The following NPEPPS variants were observed in gnomAD, a reference collection of about 807,000 sequenced individuals.
The protein encoded by NPEPPS is aminopeptidase puromycin sensitive, also known as puromycin-sensitive aminopeptidase.
In NPEPPS, 14 loss-of-function variants were observed where a neutral mutation model predicts 115.5. The ratio of observed to expected loss-of-function variants is 0.12; its 90% CI spans 0.08 to 0.19. NPEPPS has a LOEUF of 0.19. Among genes scored for constraint, NPEPPS ranks in the 10% least tolerant of loss-of-function variants. NPEPPS has a pLI of 1.00. For missense variants in NPEPPS, 523 were observed against 1,110.8 expected (o/e 0.47, Z 7.52); for synonymous variants, 285 against 390.6 (o/e 0.73, Z 3.19).
intron 3 of NPEPPS, among the ~76,000 whole-genome samples, chr17:47,575,228 C>G (rs1310494592): frequency 6.6e-6 from 1 of 152,076 alleles, no homozygotes; most frequent in African/African-American, 2.4e-5. Context: ...AAAACTATAC[C>G]CTGCTTTTGT....
chr17:47,574,615 CAA>C (rs1393555690), intron 3 of NPEPPS, among the ~76,000 whole-genome samples: 2 of 151,950 alleles, frequency 1.3e-5, no homozygotes, highest in African/African-American at 4.8e-5. Flanking sequence ...TGTTTTGTGA[CAA>C]AGTCTCTCTG....
At chr17:47,571,667 G>A (rs1243074934) in intron 3 of NPEPPS, among the ~76,000 whole-genome samples, 3 of 152,094 alleles carry the variant, frequency 2.0e-5, no homozygotes, top group South Asian at 2.1e-4. Flanking sequence ...GCAGTGAGCC[G>A]AGATCGCACC....
At chr17:47,607,294 T>G (rs1913574658) in intron 17 of NPEPPS, among the ~76,000 whole-genome samples, 1 of 152,194 alleles carries the variant, frequency 6.6e-6, no homozygotes, top group Admixed American at 6.5e-5. Flanking sequence ...ATATTGAGCA[T>G]AAACTGAGAC....
chr17:47,579,428 A>C lies in NPEPPS; in HGVS notation c.457A>C (p.Asn153His). ...TLKIDFVGELNDKMKGFYRSK... is the reference protein window; with the variant it reads ...TLKIDFVGELHDKMKGFYRSK... ...AAAGATAGATTTTGTTGGAGAGCTGAATGACAAAATGAAAGGTTTCTATAG... is the reference window on the plus strand; with the variant it reads ...AAAGATAGATTTTGTTGGAGAGCTGCATGACAAAATGAAAGGTTTCTATAG... The change falls in exon 4 of 23, where the codon AAT becomes CAT. Residue 153 changes from asparagine (N) to histidine (H), a missense_variant. Around this residue, in one of 4 missense-constraint regions of NPEPPS, gnomAD observed 144 missense variants for 512.4 expected, o/e 0.28. Transcript: ENST00000322157. The C allele has an allele frequency of 6.2e-7, 1 of 1,612,188 alleles. No individual in the cohort carries two copies. The highest frequency in any genetic ancestry group is 8.5e-7 in the Non-Finnish European group (1 of 1,178,988).
chr17:47,547,651 C>G (rs1167385367), intron 2 of NPEPPS, among the ~76,000 whole-genome samples: 3 of 152,220 alleles, frequency 2.0e-5, no homozygotes, highest in South Asian at 4.1e-4. Context: ...AGCCACCACA[C>G]CTGGTTGCCT....
chr17:47,544,395 T>C (rs1219625871), intron 1 of NPEPPS, among the ~76,000 whole-genome samples: 3 of 152,174 alleles, frequency 2.0e-5, no homozygotes, highest in Non-Finnish European at 2.9e-5. Context: ...TCTTCCTCTA[T>C]CCTCACAGAA....
intron 3 of NPEPPS, among the ~76,000 whole-genome samples, chr17:47,572,478 TAA>T (rs59690898): frequency 6.8e-6 from 1 of 147,756 alleles, no homozygotes; most frequent in Non-Finnish European, 1.5e-5. Flanking sequence ...TAAAGAAAGT[TAA>T]AAAAAAAACA....
chr17:47,611,474 A>AG (rs1555612736), intron 17 of NPEPPS, among the ~76,000 whole-genome samples: 107 of 149,868 alleles, frequency 7.1e-4, no homozygotes, highest in Middle Eastern at 3.5e-3. Flanking sequence ...AAAAAAAAAA[A>AG]GAGACAAGGT....
Position 47,621,777 on chromosome 17 carries a change from G to A in NPEPPS, c.2617G>A (p.Glu873Lys), listed in dbSNP as rs34598464. 2.5e-6 allele frequency: 4 copies of A among 1,607,166 alleles called. No individual in the cohort carries two copies. Among genetic ancestry groups the A allele is most frequent in the Admixed American group, 1.7e-5 (1 of 59,772 alleles). Residue 873 changes from glutamate to lysine, a missense_variant, in exon 23 of 23, where the codon GAG becomes AAG. This residue lies in a region of NPEPPS where 372 missense variants were observed against 542.6 expected (regional missense o/e 0.69). Coordinates refer to ENST00000322157, the MANE Select transcript of NPEPPS (RefSeq NM_006310.4). The stretch of plus-strand genomic sequence containing the variant: ...GGTTGTTTTATACCAGGCTTTCTTC[G>A]AGAGTCACCCAGCTCCTTCAGCTGA... Reference protein sequence around the residue: ...KMAGEVKAFFESHPAPSAERT... With the variant: ...KMAGEVKAFFKSHPAPSAERT...
intron 2 of NPEPPS, among the ~76,000 whole-genome samples, chr17:47,565,709 A>G (rs1387280660): frequency 6.6e-6 from 1 of 151,420 alleles, no homozygotes; most frequent in South Asian, 2.1e-4. Context: ...AGTCCCAGCT[A>G]TTTGGGAGGC....
Position 47,531,465 on chromosome 17 carries a change from T to G in NPEPPS, c.165T>G (p.Pro55=), listed in dbSNP as rs776065377. 2.0e-5 allele frequency: 32 copies of G among 1,594,870 alleles called. No individual in the cohort carries two copies. The highest frequency in any genetic ancestry group is 2.7e-5 in the Non-Finnish European group (32 of 1,172,764). ...AGAAGAGGCCCTTCGAGCGGCTGCC[T>G]GCCGATGTCTCCCCCATCAACTACA... ...MPEKRPFERL[P]ADVSPINYSL... is the part of the protein sequence containing the mutation. Residue 55 remains proline, a synonymous_variant, in exon 1 of 23, where the codon CCT becomes CCG. Transcript: ENST00000322157.
At chr17:47,587,755 TAGAG>T (rs1178619923) in intron 9 of NPEPPS, among the ~76,000 whole-genome samples, 3 of 152,176 alleles carry the variant, frequency 2.0e-5, no homozygotes, top group African/African-American at 7.2e-5. Flanking sequence ...GATCTTTAAT[TAGAG>T]AGAAATGTTT....
chr17:47,570,822 T>C (rs1174019018), intron 3 of NPEPPS, among the ~76,000 whole-genome samples: 2 of 152,232 alleles, frequency 1.3e-5, no homozygotes, highest in Non-Finnish European at 2.9e-5. Context: ...CCCAATGATA[T>C]GGCTGCCTTG....
At chr17:47,580,929 A>G (rs1463776813) in intron 4 of NPEPPS, 2 of 151,456 alleles carry the variant, frequency 1.3e-5, no homozygotes, top group African/African-American at 4.9e-5. Context: ...AATCATGTAA[A>G]CCAAATCCCA....
intron 22 of NPEPPS, among the ~76,000 whole-genome samples, chr17:47,621,412 G>GTCT (rs1914565865): frequency 3.3e-5 from 5 of 152,108 alleles, no homozygotes; most frequent in Admixed American, 6.6e-5. Flanking sequence ...GAGACTTAGA[G>GTCT]CAGTTAATTT....
At chr17:47,597,463 T>C (rs1431582740) in intron 13 of NPEPPS, among the ~76,000 whole-genome samples, 5 of 152,232 alleles carry the variant, frequency 3.3e-5, no homozygotes, top group African/African-American at 1.2e-4. Flanking sequence ...TTCATAGTTC[T>C]TTTTTAGTAT....
chr17:47,618,638 GA>G (rs1350376706), intron 20 of NPEPPS, among the ~76,000 whole-genome samples, 181 bp downstream of exon 20: 3 of 152,216 alleles, frequency 2.0e-5, no homozygotes, highest in Admixed American at 2.0e-4. Context: ...GCGAGAATCA[GA>G]ATAGTTGGGA....
At position 47,605,671 on chromosome 17, in the gene NPEPPS, C is replaced by T. The variant is rs1913471281; in HGVS notation, c.2095+119C>T. On this transcript the variant is annotated intron_variant, in intron 17 of 22. Coordinates refer to ENST00000322157, the MANE Select transcript of NPEPPS (RefSeq NM_006310.4). ...GGATGTTACTATATATTCAGCAAGCCAGAAATTAAGACGTGAGTCTTTTAA... is the reference window on the plus strand; with the variant it reads ...GGATGTTACTATATATTCAGCAAGCTAGAAATTAAGACGTGAGTCTTTTAA... The T allele has an allele frequency of 1.0e-5, 7 of 689,468 alleles. No individual in the cohort carries two copies. The East Asian group carries it at 1.9e-4, about 19-fold the overall frequency. 42.7% of individuals were successfully genotyped at this position (689,468 alleles called of 1,614,324 possible). A position where few individuals can be genotyped will look rare whatever the true frequency, so the allele number is the denominator to read the frequency against.
chr17:47,574,623 C>G (rs1409912651), intron 3 of NPEPPS, among the ~76,000 whole-genome samples: 3 of 152,044 alleles, frequency 2.0e-5, no homozygotes, highest in African/African-American at 4.8e-5. Flanking sequence ...GACAAAGTCT[C>G]TCTGTCACCC....
Sources: gnomAD v4.1 joint callset for allele counts (sites outside exome capture counted in the v4.1 genomes callset) on GRCh38, gnomAD v4.1.1 for gene constraint, gnomAD v4.1.1 regional missense constraint, MANE v1.5 for transcripts, NCBI Gene and HGNC (gene_info 2026-07-23, HGNC 2026-07-21) for gene names.